VWA8: variants seen among roughly 807,000 people sequenced by gnomAD.
VWA8 encodes von Willebrand factor A domain-containing protein 8.
VWA8 carries 221 observed loss-of-function variants against 241.5 expected under a neutral mutation model. The observed-to-expected ratio is 0.91, with a 90% CI of 0.82 to 1.02. The LOEUF (loss-of-function observed/expected upper bound fraction) is 1.02. Ranked by LOEUF, VWA8 falls within the 50% of genes least tolerant of loss-of-function variation. The pLI is 0.00. For missense variants in VWA8, 2,322 were observed against 2,328.7 expected (o/e 1.00, Z 0.06); for synonymous variants, 852 against 827.1 (o/e 1.03, Z -0.52).
At chr13:41,937,625 CCA>C in intron 2 of VWA8, among the ~76,000 whole-genome samples, 1 of 152,220 alleles carries the variant, frequency 6.6e-6, no homozygotes, top group South Asian at 2.1e-4. Flanking sequence ...TTCTAATAGG[CCA>C]CAGACCAGTA....
At chr13:41,571,296 G>T (rs71425023) in intron 43 of VWA8, among the ~76,000 whole-genome samples, 2,530 of 137,458 alleles carry the variant, frequency 0.018, 54 homozygotes, top group East Asian at 0.099. Flanking sequence ...TCCCTCTCCC[G>T]TCTCCCTCTC....
intron 12 of VWA8, among the ~76,000 whole-genome samples, chr13:41,858,856 G>A (rs1212799035): frequency 1.3e-5 from 2 of 152,168 alleles, no homozygotes; most frequent in Admixed American, 6.5e-5. Context: ...AAGACAGGAA[G>A]GGTGACAGAC....
At chr13:41,949,523 T>C (rs1878023966) in intron 2 of VWA8, among the ~76,000 whole-genome samples, 5 of 152,008 alleles carry the variant, frequency 3.3e-5, no homozygotes, top group Admixed American at 3.3e-4. Flanking sequence ...GTATCTAATG[T>C]AGATGACCGG....
Position 41,699,244 on chromosome 13 carries a change from C to T in VWA8, c.3391G>A (p.Val1131Ile). Residue 1131 changes from valine (V) to isoleucine (I), a missense_variant, in exon 29 of 45, where the codon GTT becomes ATT. Val to Ile is a conservative substitution (Grantham distance 29, BLOSUM62 3). Coordinates refer to ENST00000379310, the MANE Select transcript of VWA8 (RefSeq NM_015058.2). The part of the protein sequence containing the change: ...HENEQNTLYV[V>I]TCNPASLYFM... ...TACAGGGAAGCGGGATTGCATGTAA[C>T]TACATAGAGAGTATTTTGCTCATTT... 6.2e-7 allele frequency: 1 copy of T among 1,614,112 alleles called. No homozygotes were observed. Among genetic ancestry groups the T allele is most frequent in the Non-Finnish European group, 8.5e-7 (1 of 1,180,002 alleles).
intron 2 of VWA8, among the ~76,000 whole-genome samples, chr13:41,946,387 C>T (rs201212041): frequency 1.1e-4 from 16 of 152,022 alleles, no homozygotes; most frequent in Non-Finnish European, 1.5e-4. Context: ...ATAATGACAA[C>T]GTAAGCCTAT....
At chr13:41,763,308 A>AATAAATAGATAG (rs1555332023) in intron 20 of VWA8, among the ~76,000 whole-genome samples, 1,906 of 145,830 alleles carry the variant, frequency 0.013, 18 homozygotes, top group Non-Finnish European at 0.018. Context: ...TAAATAAATA[A>AATAAATAGATAG]ATAGATAGAT....
intron 14 of VWA8, among the ~76,000 whole-genome samples, chr13:41,823,347 A>C (rs1251209580): frequency 1.3e-5 from 2 of 152,170 alleles, no homozygotes; most frequent in East Asian, 3.8e-4. Flanking sequence ...TAAATAAAAT[A>C]TTTAATAAAA....
intron 37 of VWA8, among the ~76,000 whole-genome samples, chr13:41,618,478 T>C (rs990485197): frequency 6.6e-6 from 1 of 152,128 alleles, no homozygotes; most frequent in East Asian, 1.9e-4. Context: ...CTTTAGTTTA[T>C]TTAGATCCCA....
At chr13:41,956,578 A>C (rs1258303752) in intron 1 of VWA8, among the ~76,000 whole-genome samples, 1 of 152,186 alleles carries the variant, frequency 6.6e-6, no homozygotes, top group Non-Finnish European at 1.5e-5. Context: ...TAAATACAAA[A>C]CTTAGACCAA....
rs531273557 is a variant in VWA8, at chr13:41,721,370, C to G, written c.2964G>C (p.Gln988His). The G allele has an allele frequency of 5.9e-4, 956 of 1,613,500 alleles. 21 individuals are homozygous for G. In the South Asian group the frequency reaches 0.01, roughly 17 times the overall value. The change falls in exon 25 of 45, where the codon CAG becomes CAC. Residue 988 changes from glutamine to histidine, a missense_variant and splice_region_variant. Coordinates refer to ENST00000379310, the MANE Select transcript of VWA8 (RefSeq NM_015058.2). ...AGGTACAGGTGTGTGCCATACCTAC[C>G]TGTAAATGTTTGACTATGTTGACAA... ...REVVNIVKHL[Q>H]KFPTEGLSSV...
chr13:41,901,605 C>T (rs150270445), intron 4 of VWA8, among the ~76,000 whole-genome samples: 33 of 152,130 alleles, frequency 2.2e-4, no homozygotes, highest in Non-Finnish European at 3.8e-4. Context: ...CAGTGGCTCA[C>T]GCCTGTTATA....
intron 26 of VWA8, among the ~76,000 whole-genome samples, chr13:41,717,966 T>C (rs879651911): frequency 3.9e-5 from 6 of 152,056 alleles, no homozygotes; most frequent in Non-Finnish European, 7.4e-5. Flanking sequence ...TAACTTGCCA[T>C]AGCAATAATT....
At chr13:41,608,519 G>A (rs1428202887) in intron 39 of VWA8, among the ~76,000 whole-genome samples, 1 of 152,028 alleles carries the variant, frequency 6.6e-6, no homozygotes, top group Non-Finnish European at 1.5e-5. Flanking sequence ...TATTTTTAAA[G>A]GTTATATTTA....
At chr13:41,931,144 G>C (rs558596540) in intron 2 of VWA8, among the ~76,000 whole-genome samples, 1 of 139,478 alleles carries the variant, frequency 7.2e-6, no homozygotes, top group Non-Finnish European at 1.5e-5. Context: ...GTGAGACTCC[G>C]TCTCAGGGGA....
chr13:41,862,354 C>T (rs11617929), intron 12 of VWA8, among the ~76,000 whole-genome samples: 22,046 of 152,116 alleles, frequency 0.14, 1,683 homozygotes, highest in East Asian at 0.18. Context: ...AGAAGAAAAC[C>T]TAGGACATAC....
intron 12 of VWA8, among the ~76,000 whole-genome samples, chr13:41,841,859 A>ATATATATAT (rs1566478204): frequency 1.9e-4 from 14 of 74,398 alleles, no homozygotes; most frequent in East Asian, 7.5e-4. Context: ...ATATATATAT[A>ATATATATAT]AAAACAGTAG....
At chr13:41,892,822 A>AC (rs1456392826) in intron 4 of VWA8, among the ~76,000 whole-genome samples, 4 of 151,628 alleles carry the variant, frequency 2.6e-5, no homozygotes, top group Non-Finnish European at 5.9e-5. Context: ...ATCCCTTTCT[A>AC]CCCCTTCCCT....
At chr13:41,584,408 G>A (rs1269729949) in intron 42 of VWA8, among the ~76,000 whole-genome samples, 2 of 152,184 alleles carry the variant, frequency 1.3e-5, no homozygotes, top group African/African-American at 2.4e-5. Context: ...TGGACACGAT[G>A]AGGAGTTTGC....
At chr13:41,884,439 A>G (rs1874414130) in intron 8 of VWA8, among the ~76,000 whole-genome samples, 1 of 152,212 alleles carries the variant, frequency 6.6e-6, no homozygotes, top group Non-Finnish European at 1.5e-5. Context: ...ATAGCCTTGC[A>G]GAACTGTGAG....
Sources: allele counts gnomAD v4.1 joint callset (sites outside exome capture counted in the v4.1 genomes callset), GRCh38; gene constraint gnomAD v4.1.1; transcripts MANE v1.5; gene names NCBI Gene and HGNC (gene_info 2026-07-23, HGNC 2026-07-21).